ADD1: variants seen among roughly 807,000 people sequenced by gnomAD.
ADD1 encodes adducin 1.
Under a neutral mutation model 80.5 loss-of-function variants are expected in ADD1, and 24 were observed. The observed-to-expected ratio is 0.30, with a 90% confidence interval of 0.22 to 0.42. ADD1 has a LOEUF of 0.42. Among genes scored for constraint, ADD1 ranks in the 10% least tolerant of loss-of-function variants. ADD1 has a pLI of 1.00. For synonymous variants in ADD1, 373 were observed against 393.8 expected (o/e 0.95, Z 0.63); for missense variants, 948 against 1,019.0 (o/e 0.93, Z 0.95).
chr4:2,911,183 C>T (rs374591202), intron 13 of ADD1, among the ~76,000 whole-genome samples: 23 of 152,202 alleles, frequency 1.5e-4, no homozygotes, highest in South Asian at 2.1e-4. Context: ...GAGGCGAGTG[C>T]GTGGATGCCT....
chr4:2,915,411 C>T (rs1470374905), intron 14 of ADD1, among the ~76,000 whole-genome samples: 5 of 152,012 alleles, frequency 3.3e-5, no homozygotes, highest in South Asian at 2.1e-4. Flanking sequence ...GAGGCCGAGG[C>T]GGGCGGATCA....
At chr4:2,914,791 T>C (rs2109125989) in intron 13 of ADD1, 93 bp from the exon 14 acceptor site, 1 of 1,469,482 alleles carries the variant, frequency 6.8e-7, no homozygotes, top group East Asian at 2.3e-5. Context: ...CTGGAAAGCC[T>C]CCTGCCCCCG....
Position 2,884,566 on chromosome 4 carries a change from C to T in ADD1, c.410C>T (p.Ala137Val), listed in dbSNP as rs1227623335. The change falls in exon 4 of 16, where the codon GCG (alanine) becomes GTG (valine). Residue 137 changes from alanine (A) to valine (V), a missense_variant. Ala to Val is a moderately conservative substitution (Grantham distance 64, BLOSUM62 0). Transcript: ENST00000683351. ...GATCTTAGAGGATCTGATTCTATTG[C>T]GTATGACAAAGGAGAGAAGTTATTA... is the stretch of plus-strand genomic sequence containing the variant. ...VNDLRGSDSI[A>V]YDKGEKLLRC... 9 of 1,612,862 alleles carry T rather than the reference C, an allele frequency of 5.6e-6. No individual in the cohort carries two copies. Among genetic ancestry groups the T allele is most frequent in the East Asian group, 2.2e-5 (1 of 44,854 alleles).
chr4:2,863,884 T>G (rs953012855), intron 1 of ADD1, among the ~76,000 whole-genome samples: 1 of 152,082 alleles, frequency 6.6e-6, no homozygotes, highest in Admixed American at 6.5e-5. Context: ...ACCCTGTTTA[T>G]AGATGGAAAA....
chr4:2,928,941 C>T lies in ADD1; in HGVS notation c.*418C>T. On this transcript the variant is annotated 3_prime_UTR_variant, in exon 16 of 16. Coordinates refer to ENST00000683351, the MANE Select transcript of ADD1 (RefSeq NM_001354761.2). ...ACCCTAAAGTCTCAGGTGACGGACT[C>T]AGACTCCTGGCTTCATGTGGCATTC... The T allele has an allele frequency of 5.2e-6, 1 of 191,490 alleles. No individual in the cohort carries two copies. Among genetic ancestry groups the T allele is most frequent in the Non-Finnish European group, 1.0e-5 (1 of 95,722 alleles). The allele number at this position is 191,490 out of a possible 1,614,324, so 11.9% of individuals were successfully genotyped here.
At chr4:2,893,940 G>A in intron 4 of ADD1, 73 bp from the exon 5 acceptor site, 5 of 1,410,300 alleles carry the variant, frequency 3.5e-6, no homozygotes, top group Non-Finnish European at 5.0e-6. Flanking sequence ...ACAAACCCGT[G>A]AATTTGTAGC....
intron 9 of ADD1, chr4:2,904,523 A>G: frequency 1.8e-6 from 1 of 568,508 alleles, no homozygotes; most frequent in Non-Finnish European, 3.1e-6. Context: ...TCCTATATGG[A>G]TGGACTTTTG....
intron 1 of ADD1, among the ~76,000 whole-genome samples, chr4:2,861,265 T>A (rs1186400238): frequency 6.6e-6 from 1 of 151,948 alleles, no homozygotes; most frequent in Non-Finnish European, 1.5e-5. Context: ...GGGTCAAGAG[T>A]GCAGATTTTA....
chr4:2,908,720 T>G lies in ADD1; in HGVS notation c.1698+116T>G, dbSNP rs544156904. 1.0e-4 allele frequency: 88 copies of G among 843,548 alleles called. No homozygotes were observed. The South Asian group carries it at 1.3e-3, about 13-fold the overall frequency. The allele number at this position is 843,548 out of a possible 1,614,324, so 52.3% of individuals were successfully genotyped here. A position where few individuals can be genotyped will look rare whatever the true frequency, so the allele number is the denominator to read the frequency against. ...TGAGGTAAGTATTCTAGGCAACCAG[T>G]TACCTTTGTTAAAACCTTCATGATG... On this transcript the variant is annotated intron_variant, in intron 12 of 15. Transcript: ENST00000683351.
chr4:2,918,187 A>G (rs2471345), intron 14 of ADD1, among the ~76,000 whole-genome samples: 38,784 of 151,706 alleles, frequency 0.26, 5,276 homozygotes, highest in Non-Finnish European at 0.28. Flanking sequence ...TTTGTGTCCT[A>G]TTTCGCTGAG....
chr4:2,846,070 C>T (rs910370697), intron 1 of ADD1, among the ~76,000 whole-genome samples: 1 of 152,154 alleles, frequency 6.6e-6, no homozygotes, highest in Non-Finnish European at 1.5e-5. Flanking sequence ...AAAAGGTAAA[C>T]ATGAGTACCA....
chr4:2,907,833 A>T lies in ADD1; in HGVS notation c.1597A>T (p.Met533Leu), dbSNP rs757274256. Reference sequence around the variant, plus strand: ...CACTAACCCAAAAGAGGTCCAGGAGATGAGGAACAAGGTGCGTCCTGCGTC... The same window carrying T: ...CACTAACCCAAAAGAGGTCCAGGAGTTGAGGAACAAGGTGCGTCCTGCGTC... ...LNTNPKEVQE[M>L]RNKIREQNLQ... The change falls in exon 11 of 16, where the codon ATG becomes TTG. Residue 533 changes from methionine to leucine, a missense_variant. Met to Leu is a conservative substitution (Grantham distance 15, BLOSUM62 2). Coordinates refer to ENST00000683351, the MANE Select transcript of ADD1 (RefSeq NM_001354761.2). 1.2e-6 allele frequency: 2 copies of T among 1,613,866 alleles called. No individual in the cohort carries two copies. Among genetic ancestry groups the T allele is most frequent in the South Asian group, 2.2e-5 (2 of 91,070 alleles).
intron 13 of ADD1, among the ~76,000 whole-genome samples, chr4:2,910,962 C>G (rs535422022): frequency 6.6e-6 from 1 of 152,272 alleles, no homozygotes; most frequent in South Asian, 2.1e-4. Context: ...TGATCTTTAT[C>G]CCACTCTGGC....
intron 1 of ADD1, among the ~76,000 whole-genome samples, chr4:2,857,733 A>G (rs1472494242): frequency 1.3e-5 from 2 of 152,218 alleles, no homozygotes; most frequent in Non-Finnish European, 2.9e-5. Flanking sequence ...GTTGGTTCCA[A>G]AGTGCACGGT....
intron 2 of ADD1, chr4:2,876,396 A>G (rs756982028): frequency 3.4e-5 from 8 of 234,672 alleles, no homozygotes. Flanking sequence ...TTTTTAAATT[A>G]CAATTAAAAA....
chr4:2,856,584 GTTTTTTTTTT>G (rs35341139), intron 1 of ADD1, among the ~76,000 whole-genome samples: 1 of 105,812 alleles, frequency 9.5e-6, no homozygotes, highest in East Asian at 2.4e-4. Context: ...GGTTACTAGA[GTTTTTTTTTT>G]TTTTTTTTTT....
At position 2,898,318 on chromosome 4, in the gene ADD1, T is replaced by C; in HGVS notation, c.876T>C (p.Pro292=). 6.2e-7 allele frequency: 1 copy of C among 1,614,198 alleles called. No individual in the cohort carries two copies. The highest frequency in any genetic ancestry group is 8.5e-7 in the Non-Finnish European group (1 of 1,180,026). ...EKVLIQKNLG[P]KSKVLILRNH... is the part of the protein sequence containing the mutation. ...TTTTGATTCAGAAAAATCTGGGGCC[T>C]AAAAGCAAGGTCAGTAGGCATCTAA... is the stretch of plus-strand genomic sequence containing the variant. The change falls in exon 7 of 16, where the codon CCT becomes CCC. Residue 292 remains proline (P), a synonymous_variant. Coordinates refer to ENST00000683351, the MANE Select transcript of ADD1 (RefSeq NM_001354761.2).
chr4:2,903,009 G>C (rs1012367381), intron 9 of ADD1: 3 of 151,294 alleles, frequency 2.0e-5, no homozygotes, highest in African/African-American at 7.3e-5. Context: ...CTGGGCAATG[G>C]AGTGAGACTC....
At chr4:2,854,000 A>C (rs1241100576) in intron 1 of ADD1, among the ~76,000 whole-genome samples, 1 of 152,178 alleles carries the variant, frequency 6.6e-6, no homozygotes, top group Admixed American at 6.5e-5. Flanking sequence ...CAGATATGAC[A>C]TGAATGTTTA....
Sources: allele counts gnomAD v4.1 joint callset (sites outside exome capture counted in the v4.1 genomes callset), GRCh38; gene constraint gnomAD v4.1.1; transcripts MANE v1.5; gene names NCBI Gene and HGNC (gene_info 2026-07-23, HGNC 2026-07-21).